BACH2: variants seen among roughly 807,000 people sequenced by gnomAD.
BACH2 encodes transcription regulator protein BACH2.
A neutral mutation model predicts 61.8 loss-of-function variants in BACH2; 5 were observed. The ratio of observed to expected loss-of-function variants is 0.08; its 90% CI spans 0.04 to 0.17. BACH2 has a LOEUF of 0.17. Among genes scored for constraint, BACH2 ranks in the 10% least tolerant of loss-of-function variants. BACH2 has a pLI of 1.00. For synonymous variants in BACH2, 446 were observed against 440.1 expected (o/e 1.01, Z -0.17); for missense variants, 824 against 1,091.1 (o/e 0.76, Z 3.45).
At chr6:90,129,247 A>G (rs987222251) in intron 4 of BACH2, among the ~76,000 whole-genome samples, 1 of 152,224 alleles carries the variant, frequency 6.6e-6, no homozygotes, top group Non-Finnish European at 1.5e-5. Context: ...GGTTCTGGAT[A>G]TCAAATAGTT....
At chr6:90,108,767 C>T (rs1783035654) in intron 4 of BACH2, among the ~76,000 whole-genome samples, 2 of 152,194 alleles carry the variant, frequency 1.3e-5, no homozygotes, top group African/African-American at 2.4e-5. Flanking sequence ...AATCTACGCC[C>T]TTCTTGTCTT....
At chr6:90,060,843 C>A (rs9444739) in intron 5 of BACH2, among the ~76,000 whole-genome samples, 17,809 of 152,184 alleles carry the variant, frequency 0.12, 3,439 homozygotes, top group African/African-American at 0.4. Flanking sequence ...CTGGGAGTTG[C>A]AGTACGGTCC....
intron 3 of BACH2, among the ~76,000 whole-genome samples, chr6:90,238,138 A>G (rs945632312): frequency 6.6e-6 from 1 of 152,248 alleles, no homozygotes; most frequent in African/African-American, 2.4e-5. Flanking sequence ...GAATGAAGTC[A>G]TACTCTATAC....
intron 5 of BACH2, among the ~76,000 whole-genome samples, chr6:90,087,341 T>A (rs1221081865): frequency 1.3e-5 from 2 of 152,286 alleles, no homozygotes; most frequent in East Asian, 3.9e-4. Context: ...ATTTCTCAAA[T>A]GTTTCCTGGA....
chr6:89,943,063 T>C (rs1773528884), intron 7 of BACH2, among the ~76,000 whole-genome samples: 2 of 152,156 alleles, frequency 1.3e-5, no homozygotes, highest in African/African-American at 2.4e-5. Flanking sequence ...CTTCCTTCCT[T>C]GGCCTCCCAA....
At chr6:89,959,770 C>T (rs72923925) in intron 6 of BACH2, among the ~76,000 whole-genome samples, 13,650 of 152,248 alleles carry the variant, frequency 0.09, 726 homozygotes, top group South Asian at 0.13. Flanking sequence ...ACTATTGTCT[C>T]TCGGACTCAC....
intron 3 of BACH2, among the ~76,000 whole-genome samples, chr6:90,239,988 A>C (rs1770391381): frequency 6.6e-6 from 1 of 152,226 alleles, no homozygotes; most frequent in Non-Finnish European, 1.5e-5. Context: ...TAAAATAAAG[A>C]TCTAAAAATT....
rs144651444 is a variant in BACH2 at position 90,041,250 on chromosome 6, C to T, written c.-12-32394G>A. Among the ~76,000 whole-genome samples, 642 of 151,858 alleles carry T rather than the reference C, an allele frequency of 4.2e-3. 5 individuals are homozygous for T. Among genetic ancestry groups the T allele is most frequent in the Middle Eastern group, 6.8e-3 (2 of 294 alleles). On this transcript the variant is annotated intron_variant, in intron 5 of 8. Transcript: ENST00000257749. ...TGGTAGCTAATTTGACTCTGCAATCCCATAAACACTACATCTACTAAAGCG... is the reference window on the plus strand; with the variant it reads ...TGGTAGCTAATTTGACTCTGCAATCTCATAAACACTACATCTACTAAAGCG...
intron 4 of BACH2, among the ~76,000 whole-genome samples, chr6:90,149,255 C>T (rs1784728766): frequency 1.3e-5 from 2 of 152,118 alleles, no homozygotes; most frequent in South Asian, 4.1e-4. Flanking sequence ...TTTTCCAGCG[C>T]TTCTATGTAA....
chr6:90,288,572 C>A (rs1032271120), intron 1 of BACH2, among the ~76,000 whole-genome samples: 1 of 152,086 alleles, frequency 6.6e-6, no homozygotes, highest in Non-Finnish European at 1.5e-5. Flanking sequence ...AGTGACCCTG[C>A]AAACCTGAGG....
At chr6:90,122,720 G>A (rs888708730) in intron 4 of BACH2, among the ~76,000 whole-genome samples, 2 of 152,160 alleles carry the variant, frequency 1.3e-5, no homozygotes, top group African/African-American at 2.4e-5. Context: ...AAGTGTTGGC[G>A]AGGCCTGGCT....
intron 3 of BACH2, among the ~76,000 whole-genome samples, chr6:90,211,737 C>A (rs1769361534): frequency 6.6e-6 from 1 of 152,038 alleles, no homozygotes; most frequent in Non-Finnish European, 1.5e-5. Context: ...TCTATGATGT[C>A]CATTCTAGAA....
rs1172208362 is a variant in BACH2 at position 90,296,781 on chromosome 6, GGCCGCTGCT to G, written c.-756_-748del. On this transcript the variant is annotated 5_prime_UTR_variant, in exon 1 of 9. Transcript: ENST00000257749. ...GTGCGACCGCAGCCCGGGCGTGCAC[GGCCGCTGCT>G]GCCGCTGCTGCTGCTGCTGCTGCTG... The G allele has an allele frequency of 5.8e-5, 10 of 172,482 alleles. No individual in the cohort carries two copies. The highest frequency in any genetic ancestry group is 9.7e-5 in the African/African-American group (4 of 41,420). The allele number at this position is 172,482 out of a possible 1,614,324, so 10.7% of individuals were successfully genotyped here. A position where few individuals can be genotyped will look rare whatever the true frequency, so the allele number is the denominator to read the frequency against.
intron 3 of BACH2, among the ~76,000 whole-genome samples, chr6:90,212,154 G>A (rs1388575896): frequency 1.3e-5 from 2 of 152,318 alleles, no homozygotes; most frequent in African/African-American, 4.8e-5. Flanking sequence ...ACATGGCTTT[G>A]AAGTTAAGTC....
intron 4 of BACH2, among the ~76,000 whole-genome samples, chr6:90,186,532 G>C (rs531800482): frequency 6.6e-6 from 1 of 152,154 alleles, no homozygotes; most frequent in East Asian, 1.9e-4. Flanking sequence ...ATTCTTATTA[G>C]AAATTTAAAA....
At chr6:89,997,437 C>G (rs186697425) in intron 6 of BACH2, among the ~76,000 whole-genome samples, 25 of 152,338 alleles carry the variant, frequency 1.6e-4, no homozygotes, top group Admixed American at 1.3e-3. Flanking sequence ...AATCTTTCCA[C>G]CTTCCTATTT....
intron 5 of BACH2, among the ~76,000 whole-genome samples, chr6:90,041,349 T>C (rs1779524150): frequency 6.6e-6 from 1 of 151,608 alleles, no homozygotes; most frequent in African/African-American, 2.4e-5. Context: ...ACTTCTGATT[T>C]TATAAAGTGG....
At chr6:90,118,044 A>G (rs1783475920) in intron 4 of BACH2, among the ~76,000 whole-genome samples, 1 of 152,172 alleles carries the variant, frequency 6.6e-6, no homozygotes, top group South Asian at 2.1e-4. Flanking sequence ...GACTCATTAT[A>G]GTTTCATTTA....
At chr6:90,132,921 C>G (rs965314817) in intron 4 of BACH2, among the ~76,000 whole-genome samples, 1 of 152,162 alleles carries the variant, frequency 6.6e-6, no homozygotes, top group African/African-American at 2.4e-5. Context: ...TGTCCAGTTA[C>G]GCTCCAAGAC....
Sources: gnomAD v4.1 joint callset for allele counts (sites outside exome capture counted in the v4.1 genomes callset) on GRCh38, gnomAD v4.1.1 for gene constraint, MANE v1.5 for transcripts, NCBI Gene and HGNC (gene_info 2026-07-23, HGNC 2026-07-21) for gene names.